The following USH2A variants were observed in gnomAD, a reference collection of about 807,000 sequenced individuals.
USH2A encodes Usher syndrome 2A (autosomal recessive, mild).
Under a neutral mutation model 538.9 loss-of-function variants are expected in USH2A, and 443 were observed. The observed-to-expected ratio is 0.82, with a 90% CI of 0.76 to 0.89. The LOEUF is 0.89. Among genes scored for constraint, USH2A ranks in the 40% least tolerant of loss-of-function variants. USH2A has a pLI of 0.00. For missense variants in USH2A, 6,633 were observed against 6,324.8 expected (o/e 1.05, Z -1.65); for synonymous variants, 2,413 against 2,273.5 (o/e 1.06, Z -1.75).
intron 42 of USH2A, among the ~76,000 whole-genome samples, chr1:215,878,546 G>T (rs1014980951): frequency 2.6e-5 from 4 of 152,088 alleles, no homozygotes; most frequent in Non-Finnish European, 2.9e-5. Flanking sequence ...TAGTGATTGT[G>T]GTTTCAAGGG....
chr1:215,914,660 G>C (rs924548720), intron 38 of USH2A, among the ~76,000 whole-genome samples: 5 of 152,088 alleles, frequency 3.3e-5, no homozygotes, highest in African/African-American at 1.2e-4. Flanking sequence ...TCTCCTTAGG[G>C]AATTCTTAAG....
intron 21 of USH2A, among the ~76,000 whole-genome samples, chr1:216,116,916 G>C (rs1042726639): frequency 7.2e-5 from 11 of 152,122 alleles, no homozygotes; most frequent in African/African-American, 2.7e-4. Context: ...AATTTTGAGT[G>C]TGCTGGAATA....
intron 4 of USH2A, among the ~76,000 whole-genome samples, chr1:216,332,850 T>G (rs2037896852): frequency 6.6e-6 from 1 of 152,050 alleles, no homozygotes; most frequent in Admixed American, 6.6e-5. Flanking sequence ...AAAACAACTC[T>G]GGAAAGGGAA....
intron 37 of USH2A, among the ~76,000 whole-genome samples, chr1:215,962,511 G>T (rs1402830586): frequency 6.6e-6 from 1 of 152,046 alleles, no homozygotes; most frequent in Non-Finnish European, 1.5e-5. Flanking sequence ...GAATTGCTGT[G>T]ATAATTTCTC....
chr1:216,224,523 T>C (rs2102508129), intron 14 of USH2A, among the ~76,000 whole-genome samples: 1 of 152,312 alleles, frequency 6.6e-6, no homozygotes, highest in East Asian at 1.9e-4. Flanking sequence ...TGCCCCCTTT[T>C]TCTGGTCAGT....
At chr1:215,954,831 C>T (rs1402046704) in intron 37 of USH2A, among the ~76,000 whole-genome samples, 5 of 152,168 alleles carry the variant, frequency 3.3e-5, no homozygotes, top group Admixed American at 3.3e-4. Context: ...TCCTGTCTAA[C>T]TTTCTAGTCT....
intron 64 of USH2A, among the ~76,000 whole-genome samples, chr1:215,654,501 A>T (rs540919886): frequency 6.6e-6 from 1 of 152,238 alleles, no homozygotes; most frequent in Non-Finnish European, 1.5e-5. Context: ...ACACTTTCAC[A>T]TGTGAATGAG....
intron 19 of USH2A, 103 bp downstream of exon 19, chr1:216,196,450 A>G: frequency 7.6e-7 from 1 of 1,323,284 alleles, no homozygotes; most frequent in Non-Finnish European, 1.1e-6. Flanking sequence ...CTGTTTAATC[A>G]ATATAGAGGG....
intron 61 of USH2A, among the ~76,000 whole-genome samples, chr1:215,686,526 A>G (rs1658427927): frequency 6.6e-6 from 1 of 152,100 alleles, no homozygotes; most frequent in Non-Finnish European, 1.5e-5. Flanking sequence ...GGATTGTGAT[A>G]AGACTAAAGA....
intron 12 of USH2A, among the ~76,000 whole-genome samples, chr1:216,249,846 A>C (rs1403136279): frequency 6.6e-6 from 1 of 152,036 alleles, no homozygotes. Context: ...GTACATATGC[A>C]TGTGTACATG....
intron 3 of USH2A, among the ~76,000 whole-genome samples, chr1:216,381,048 C>T (rs377238614): frequency 6.6e-6 from 1 of 151,910 alleles, no homozygotes; most frequent in East Asian, 1.9e-4. Context: ...AAATGTCATA[C>T]AGCCAATAAG....
chr1:215,864,708 T>C (rs904959986), intron 44 of USH2A, among the ~76,000 whole-genome samples: 4 of 152,220 alleles, frequency 2.6e-5, no homozygotes, highest in African/African-American at 9.6e-5. Flanking sequence ...GAAGGAAATA[T>C]GGCCACTGTG....
chr1:216,293,289 G>T lies in USH2A; in HGVS notation c.1645-919C>A, dbSNP rs984328508. Among the ~76,000 whole-genome samples, 13 of 152,280 alleles carry T rather than the reference G, an allele frequency of 8.5e-5. 1 individual carries two copies. The East Asian group carries it at 2.1e-3, about 25-fold the overall frequency. The stretch of plus-strand genomic sequence containing the variant: ...TCTGCCCACCTCGGCCGCCCAAAGT[G>T]CTGGGATTACAGGCGTGAGCCACCG... On this transcript the variant is annotated intron_variant, in intron 9 of 71. Coordinates refer to ENST00000307340, the MANE Select transcript of USH2A (RefSeq NM_206933.4).
At chr1:215,851,164 A>G (rs1270441841) in intron 44 of USH2A, among the ~76,000 whole-genome samples, 1 of 152,130 alleles carries the variant, frequency 6.6e-6, no homozygotes, top group East Asian at 1.9e-4. Flanking sequence ...CTAAACCCAA[A>G]CCCAGCAGAA....
intron 32 of USH2A, among the ~76,000 whole-genome samples, chr1:216,041,155 T>C (rs1465212018): frequency 6.6e-6 from 1 of 152,032 alleles, no homozygotes; most frequent in Non-Finnish European, 1.5e-5. Context: ...GAATACAGAA[T>C]GAAAAAGTTT....
At chr1:216,280,424 A>G (rs775272740) in intron 11 of USH2A, among the ~76,000 whole-genome samples, 1 of 152,156 alleles carries the variant, frequency 6.6e-6, no homozygotes, top group Non-Finnish European at 1.5e-5. Flanking sequence ...AAAAATACAC[A>G]GACTTACAGT....
intron 67 of USH2A, among the ~76,000 whole-genome samples, chr1:215,646,535 GT>G (rs1008335354): frequency 6.7e-6 from 1 of 150,160 alleles, no homozygotes; most frequent in African/African-American, 2.4e-5. Flanking sequence ...TACATTTTTT[GT>G]TTTTTTTTGA....
intron 3 of USH2A, among the ~76,000 whole-genome samples, chr1:216,394,912 T>G (rs12045567): frequency 0.79 from 119,424 of 151,196 alleles, 47,849 homozygotes; most frequent in African/African-American, 0.93. Context: ...TAGAGACGGG[T>G]TTTCACCGTG....
At position 216,368,274 on chromosome 1, in the gene USH2A, T is replaced by C. The variant is rs139769695; in HGVS notation, c.652-3189A>G. Among the ~76,000 whole-genome samples, 11 of 152,046 alleles carry C rather than the reference T, an allele frequency of 7.2e-5. No homozygotes were observed. The East Asian group carries it at 1.4e-3, about 19-fold the overall frequency. ...ATTCTCATGCTAGATTAGTGAGAAG[T>C]ATAATTCAAAAGTCCAGAAAGTTAC... On this transcript the variant is annotated intron_variant, in intron 3 of 71. Transcript: ENST00000307340.
Sources: allele counts gnomAD v4.1 joint callset (sites outside exome capture counted in the v4.1 genomes callset), GRCh38; gene constraint gnomAD v4.1.1; transcripts MANE v1.5; gene names NCBI Gene and HGNC (gene_info 2026-07-23, HGNC 2026-07-21).